PAK5: variants seen among roughly 807,000 people sequenced by gnomAD.
PAK5 encodes the protein p21 (RAC1) activated kinase 5.
PAK5 carries 16 observed loss-of-function variants against 65.9 expected under a neutral mutation model. That is an observed-to-expected ratio of 0.24 (90% CI 0.16 to 0.37). The LOEUF (loss-of-function observed/expected upper bound fraction) is 0.37. Ranked by LOEUF, PAK5 falls within the 10% of genes least tolerant of loss-of-function variation. The pLI is 1.00. For missense variants in PAK5, 785 were observed against 903.9 expected (o/e 0.87, Z 1.69); for synonymous variants, 371 against 354.9 (o/e 1.05, Z -0.51).
chr20:9,538,820 G>T lies in PAK5; in HGVS notation c.*642C>A, dbSNP rs3185693. The T allele has an allele frequency of 0.17, 40,734 of 233,088 alleles. 4,851 individuals carry two copies. The highest frequency in any genetic ancestry group is 0.37 in the African/African-American group (16,882 of 45,304). The allele number at this position is 233,088 out of a possible 1,614,324, so 14.4% of individuals were successfully genotyped here. ...AAGACACTTGTTAGGATAAGAAAGA[G>T]ATTTTACTAAAGCTGACGGTGATTG... On this transcript the variant is annotated 3_prime_UTR_variant, in exon 10 of 10. Transcript: ENST00000353224.
chr20:9,663,827 T>A (rs2047377992), intron 2 of PAK5, among the ~76,000 whole-genome samples: 1 of 152,230 alleles, frequency 6.6e-6, no homozygotes, highest in South Asian at 2.1e-4. Context: ...TATTGCTTTA[T>A]ATTTCTACTT....
chr20:9,619,744 A>C (rs986683717), intron 3 of PAK5, among the ~76,000 whole-genome samples: 1 of 152,160 alleles, frequency 6.6e-6, no homozygotes, highest in Non-Finnish European at 1.5e-5. Flanking sequence ...GAGGTTATTA[A>C]TTCCCCTGCT....
intron 7 of PAK5, among the ~76,000 whole-genome samples, chr20:9,544,795 C>G (rs2045319360): frequency 1.3e-5 from 2 of 152,160 alleles, no homozygotes; most frequent in Admixed American, 1.3e-4. Context: ...ACACCACAAA[C>G]AACAAATTTG....
chr20:9,793,084 T>C (rs1457351493), intron 1 of PAK5, among the ~76,000 whole-genome samples: 1 of 152,144 alleles, frequency 6.6e-6, no homozygotes, highest in African/African-American at 2.4e-5. Context: ...TTTTTTCCCA[T>C]GTGGGCAGAA....
intron 1 of PAK5, among the ~76,000 whole-genome samples, chr20:9,796,575 A>C (rs1039786417): frequency 6.6e-6 from 1 of 152,140 alleles, no homozygotes; most frequent in Non-Finnish European, 1.5e-5. Context: ...GAAATTACTA[A>C]GTGAAGGTGA....
chr20:9,762,060 C>A (rs2423470), intron 1 of PAK5, among the ~76,000 whole-genome samples: 81,545 of 151,904 alleles, frequency 0.54, 22,466 homozygotes, highest in African/African-American at 0.64. Context: ...TGAATATTCA[C>A]ATGTAAAATA....
At chr20:9,791,281 A>C (rs2049047454) in intron 1 of PAK5, among the ~76,000 whole-genome samples, 1 of 152,072 alleles carries the variant, frequency 6.6e-6, no homozygotes, top group African/African-American at 2.4e-5. Flanking sequence ...CACAGTCCAC[A>C]TGTCTGTCTA....
intron 3 of PAK5, among the ~76,000 whole-genome samples, chr20:9,590,849 G>A (rs1371741570): frequency 6.6e-6 from 1 of 152,170 alleles, no homozygotes; most frequent in Non-Finnish European, 1.5e-5. Flanking sequence ...TCGCAAATGA[G>A]CTTTTCTGGA....
At chr20:9,829,344 A>G (rs971556442) in intron 1 of PAK5, among the ~76,000 whole-genome samples, 12 of 152,196 alleles carry the variant, frequency 7.9e-5, no homozygotes, top group African/African-American at 2.9e-4. Context: ...AGGACCTCAG[A>G]TAAAACTTTT....
chr20:9,697,213 T>A (rs1375343194), intron 2 of PAK5, among the ~76,000 whole-genome samples: 1 of 152,108 alleles, frequency 6.6e-6, no homozygotes, highest in Admixed American at 6.6e-5. Flanking sequence ...AGGGTAAAGA[T>A]GTTTAGTTCA....
At chr20:9,555,549 G>A (rs368934670) in intron 7 of PAK5, among the ~76,000 whole-genome samples, 6 of 152,164 alleles carry the variant, frequency 3.9e-5, no homozygotes, top group South Asian at 2.1e-4. Flanking sequence ...TTCTGACACC[G>A]TGGAGCCTTG....
intron 2 of PAK5, among the ~76,000 whole-genome samples, chr20:9,646,343 C>A (rs1235172067): frequency 6.6e-6 from 1 of 152,204 alleles, no homozygotes; most frequent in South Asian, 2.1e-4. Flanking sequence ...TCCGTCAAAA[C>A]CCATCGCATT....
At chr20:9,756,279 T>C (rs1323220779) in intron 1 of PAK5, among the ~76,000 whole-genome samples, 3 of 152,172 alleles carry the variant, frequency 2.0e-5, no homozygotes, top group Non-Finnish European at 4.4e-5. Context: ...GAGCACAATC[T>C]AGTTGAGAAA....
chr20:9,709,127 C>G (rs1247112877), intron 2 of PAK5, among the ~76,000 whole-genome samples: 1 of 152,124 alleles, frequency 6.6e-6, no homozygotes, highest in Non-Finnish European at 1.5e-5. Context: ...ATTTGAAAGG[C>G]CTAGCCTTTT....
At chr20:9,760,693 A>G (rs2048690088) in intron 1 of PAK5, among the ~76,000 whole-genome samples, 1 of 100,314 alleles carries the variant, frequency 1.0e-5, no homozygotes, top group Admixed American at 1.2e-4. Context: ...TTTTTTTTAG[A>G]CAGAGTATTA....
chr20:9,646,922 G>A (rs1194845086), intron 2 of PAK5, among the ~76,000 whole-genome samples: 1 of 152,144 alleles, frequency 6.6e-6, no homozygotes, highest in Non-Finnish European at 1.5e-5. Flanking sequence ...CCACATGAGT[G>A]AGCCTAGTCA....
intron 3 of PAK5, among the ~76,000 whole-genome samples, chr20:9,617,304 G>T (rs1429444560): frequency 1.3e-5 from 2 of 152,094 alleles, no homozygotes; most frequent in Non-Finnish European, 2.9e-5. Context: ...ATTTCAATCA[G>T]TGGAAAGAAA....
chr20:9,641,864 G>A (rs926479328), intron 3 of PAK5, among the ~76,000 whole-genome samples: 2 of 152,180 alleles, frequency 1.3e-5, no homozygotes, highest in Admixed American at 1.3e-4. Context: ...GGGCCAGCAG[G>A]GCTGGCTGGG....
chr20:9,701,509 T>C (rs1260084221), intron 2 of PAK5, among the ~76,000 whole-genome samples: 1 of 152,158 alleles, frequency 6.6e-6, no homozygotes, highest in African/African-American at 2.4e-5. Flanking sequence ...ACCCCTCTGA[T>C]TCATTCAATT....
Sources: allele counts gnomAD v4.1 joint callset (sites outside exome capture counted in the v4.1 genomes callset), GRCh38; gene constraint gnomAD v4.1.1; transcripts MANE v1.5; gene names NCBI Gene and HGNC (gene_info 2026-07-23, HGNC 2026-07-21).